The following LRRIQ1 variants were observed in gnomAD, a reference collection of about 807,000 sequenced individuals.
LRRIQ1 encodes leucine-rich repeat- and IQ domain-containing protein 1.
A neutral mutation model predicts 211.9 loss-of-function variants in LRRIQ1; 210 were observed. That is an observed-to-expected ratio of 0.99 (90% CI 0.89 to 1.11). The LOEUF (loss-of-function observed/expected upper bound fraction) is 1.11. LRRIQ1 is among the 50% of genes most tolerant of loss of function. The pLI, the probability that LRRIQ1 is intolerant of heterozygous loss-of-function variation, is 0.00. For missense variants in LRRIQ1, 2,136 were observed against 1,939.5 expected (o/e 1.10, Z -1.90); for synonymous variants, 699 against 650.1 (o/e 1.08, Z -1.14).
Position 85,124,284 on chromosome 12 carries a change from C to A in LRRIQ1, c.3772C>A (p.Pro1258Thr). ...CTACTCTTGTGCACGTGAAGGTGAGCCAGACTCACCAGATATTCCTGAGAA... is the reference window on the plus strand; with the variant it reads ...CTACTCTTGTGCACGTGAAGGTGAGACAGACTCACCAGATATTCCTGAGAA... ...VFYSCAREGE[P>T]DSPDIPEKWM... is the part of the protein sequence containing the mutation. The change falls in exon 17 of 27, where the codon CCA (proline) becomes ACA (threonine). Residue 1258 changes from proline to threonine, a missense_variant. Physicochemically the swap from Pro to Thr is conservative, Grantham distance 38. Coordinates refer to ENST00000393217, the MANE Select transcript of LRRIQ1 (RefSeq NM_001079910.2). 6.2e-7 allele frequency: 1 copy of A among 1,613,970 alleles called. No homozygotes were observed. The highest frequency in any genetic ancestry group is 8.5e-7 in the Non-Finnish European group (1 of 1,179,968).
chr12:85,238,684 G>A (rs973353801), intron 26 of LRRIQ1, among the ~76,000 whole-genome samples: 2 of 151,974 alleles, frequency 1.3e-5, no homozygotes, highest in African/African-American at 4.8e-5. Context: ...TGTTTACCAC[G>A]AATTCAACAG....
At chr12:85,068,918 C>CTTAT (rs534816604) in intron 10 of LRRIQ1, among the ~76,000 whole-genome samples, 39 of 149,852 alleles carry the variant, frequency 2.6e-4, no homozygotes, top group Middle Eastern at 3.4e-3. Flanking sequence ...CCTGTATTTT[C>CTTAT]TTATTTATTT....
chr12:85,150,312 C>T (rs1890158501), intron 19 of LRRIQ1, among the ~76,000 whole-genome samples: 1 of 151,718 alleles, frequency 6.6e-6, no homozygotes, highest in Non-Finnish European at 1.5e-5. Flanking sequence ...GGCCCTTGAT[C>T]TTCCCTGAGA....
In LRRIQ1 at chr12:85,066,879, TAATAA is replaced by T; in HGVS notation, c.2680_2684del (p.Lys894TyrfsTer15). On this transcript the variant is annotated frameshift_variant, in exon 10 of 27. Transcript: ENST00000393217. LOFTEE classifies it high-confidence loss of function. ...ATATTCAGTGTCTTGAACTTTCATA[TAATAA>T]AATTACTCGAATTGGTAAGAACAAT... The T allele has an allele frequency of 6.6e-7, 1 of 1,514,054 alleles. No individual in the cohort carries two copies. Among genetic ancestry groups the T allele is most frequent in the East Asian group, 2.3e-5 (1 of 42,656 alleles). 93.8% of individuals were successfully genotyped at this position (1,514,054 alleles called of 1,614,324 possible).
intron 6 of LRRIQ1, among the ~76,000 whole-genome samples, chr12:85,049,561 C>T (rs1880053536): frequency 1.3e-5 from 2 of 152,094 alleles, no homozygotes; most frequent in South Asian, 4.2e-4. Context: ...TAAGCATGTT[C>T]AATTTCCTCC....
rs796361971 is a variant in LRRIQ1 at position 85,200,871 on chromosome 12, G to T, written c.4823-28646G>T. On this transcript the variant is annotated intron_variant, in intron 24 of 26. Coordinates refer to ENST00000393217, the MANE Select transcript of LRRIQ1 (RefSeq NM_001079910.2). Reference sequence around the variant, plus strand: ...GTCTCACTCTGTCACCCAGGCTGCAGTGCAGTGGAGCGATCTCAGCTCACT... The same window carrying T: ...GTCTCACTCTGTCACCCAGGCTGCATTGCAGTGGAGCGATCTCAGCTCACT... Among the ~76,000 whole-genome samples the T allele has an allele frequency of 3.9e-5, 6 of 152,064 alleles. 1 individual carries two copies. The highest frequency in any genetic ancestry group is 1.4e-4 in the African/African-American group (6 of 41,476).
At chr12:85,109,335 A>G (rs1207490781) in intron 15 of LRRIQ1, among the ~76,000 whole-genome samples, 1 of 152,130 alleles carries the variant, frequency 6.6e-6, no homozygotes, top group Non-Finnish European at 1.5e-5. Flanking sequence ...TCAAACACCT[A>G]TGTAATTTAC....
chr12:85,137,993 A>C, intron 19 of LRRIQ1, 24 bp downstream of exon 19: 1 of 1,246,496 alleles, frequency 8.0e-7, no homozygotes, highest in East Asian at 2.4e-5. Flanking sequence ...ATAGTATATA[A>C]ATATTGGTCT....
In LRRIQ1 at chr12:85,153,750, A is replaced by G; in HGVS notation, c.4629A>G (p.Ser1543=). 3 of 1,551,150 alleles carry G rather than the reference A, an allele frequency of 1.9e-6. No homozygotes were observed. The highest frequency in any genetic ancestry group is 2.6e-6 in the Non-Finnish European group (3 of 1,142,402). The change falls in exon 22 of 27, where the codon TCA becomes TCG. Residue 1543 remains serine, a synonymous_variant. Coordinates refer to ENST00000393217, the MANE Select transcript of LRRIQ1 (RefSeq NM_001079910.2). ...AATCTGAAAAAGAAAAAAAAATTTC[A>G]GAAGAATGGTATGTAGTCAATTTGA... ...LLKSEKEKKI[S]EEWGFKDIST... is the part of the protein sequence containing the mutation.
intron 24 of LRRIQ1, among the ~76,000 whole-genome samples, chr12:85,221,716 C>T (rs144179985): frequency 6.6e-6 from 1 of 152,246 alleles, no homozygotes; most frequent in East Asian, 1.9e-4. Flanking sequence ...GGTAACTACA[C>T]TATGTCTGGG....
At chr12:85,216,601 A>G (rs1894101047) in intron 24 of LRRIQ1, among the ~76,000 whole-genome samples, 1 of 151,668 alleles carries the variant, frequency 6.6e-6, no homozygotes, top group Admixed American at 6.6e-5. Context: ...TATATTTCAA[A>G]ACAAAATCAT....
chr12:85,105,259 T>G (rs1886686833), intron 14 of LRRIQ1, among the ~76,000 whole-genome samples: 1 of 152,076 alleles, frequency 6.6e-6, no homozygotes, highest in Non-Finnish European at 1.5e-5. Context: ...ATAATAAAAT[T>G]TTCACTCCCA....
rs777862247 is a variant in LRRIQ1, at chr12:85,057,076, A to G, written c.2283A>G (p.Gln761=). 3.7e-6 allele frequency: 6 copies of G among 1,609,162 alleles called. No homozygotes were observed. Among genetic ancestry groups the G allele is most frequent in the Non-Finnish European group, 3.4e-6 (4 of 1,178,368 alleles). ...PWLEIFKQNQ[Q]KKIVRRKRPV... is the part of the protein sequence containing the mutation. ...TTGAAATTTTCAAGCAAAATCAACA[A>G]AAGAAAATTGTTAGAAGAAAGAGAC... The change falls in exon 8 of 27, where the codon CAA becomes CAG. Residue 761 remains glutamine, a synonymous_variant. Coordinates refer to ENST00000393217, the MANE Select transcript of LRRIQ1 (RefSeq NM_001079910.2).
At chr12:85,155,810 C>T (rs751622225) in intron 23 of LRRIQ1, among the ~76,000 whole-genome samples, 2 of 151,680 alleles carry the variant, frequency 1.3e-5, no homozygotes, top group Non-Finnish European at 3.0e-5. Context: ...TTCTTGCCAA[C>T]TCTTGTAATT....
At chr12:85,215,442 A>G (rs1390480368) in intron 24 of LRRIQ1, among the ~76,000 whole-genome samples, 1 of 152,072 alleles carries the variant, frequency 6.6e-6, no homozygotes, top group Admixed American at 6.6e-5. Context: ...AGATTATTTT[A>G]TCATCCAGGT....
At position 85,056,632 on chromosome 12, in the gene LRRIQ1, ACT is replaced by A. The variant is rs1881114454; in HGVS notation, c.1843_1844del (p.Ser615ThrfsTer28). The part of the protein sequence containing the change: ...TLVISVKQRS[L>X]SLTSENSKDV... The stretch of plus-strand genomic sequence containing the variant: ...TAGTTATTTCAGTGAAACAAAGATC[ACT>A]CTCACTAACATCAGAAAATTCCAAA... On this transcript the variant is annotated frameshift_variant, in exon 8 of 27. Transcript: ENST00000393217. LOFTEE classifies it high-confidence loss of function. The A allele has an allele frequency of 1.9e-6, 3 of 1,594,544 alleles. No individual in the cohort carries two copies. The highest frequency in any genetic ancestry group is 2.6e-6 in the Non-Finnish European group (3 of 1,172,250).
At chr12:85,135,698 T>A (rs1005875695) in intron 18 of LRRIQ1, among the ~76,000 whole-genome samples, 1 of 79,632 alleles carries the variant, frequency 1.3e-5, no homozygotes, top group Non-Finnish European at 2.7e-5. Flanking sequence ...AATATATGTG[T>A]TTGATTTCAT....
At chr12:85,108,147 C>T (rs2136331436) in intron 15 of LRRIQ1, among the ~76,000 whole-genome samples, 1 of 152,140 alleles carries the variant, frequency 6.6e-6, no homozygotes, top group African/African-American at 2.4e-5. Context: ...CATTGTATTA[C>T]TTTAAATAGC....
intron 24 of LRRIQ1, among the ~76,000 whole-genome samples, chr12:85,213,851 G>T (rs575704652): frequency 6.6e-6 from 1 of 151,970 alleles, no homozygotes; most frequent in East Asian, 1.9e-4. Context: ...GACCAAAATT[G>T]TTCGAAAAGA....
Sources: allele counts gnomAD v4.1 joint callset (sites outside exome capture counted in the v4.1 genomes callset), GRCh38; gene constraint gnomAD v4.1.1; transcripts MANE v1.5; gene names NCBI Gene and HGNC (gene_info 2026-07-23, HGNC 2026-07-21).